The following ST6GALNAC3 variants were observed in gnomAD, a reference collection of about 807,000 sequenced individuals.
The protein encoded by ST6GALNAC3 is ST6 N-acetylgalactosaminide alpha-2,6-sialyltransferase 3, also known as alpha-N-acetylgalactosaminide alpha-2,6-sialyltransferase 3.
A neutral mutation model predicts 32.7 loss-of-function variants in ST6GALNAC3; 25 were observed. That is an observed-to-expected ratio of 0.76 (90% CI 0.56 to 1.07). ST6GALNAC3 has a LOEUF of 1.07. Among genes scored for constraint, ST6GALNAC3 ranks in the 50% least tolerant of loss-of-function variants. The pLI, the probability that ST6GALNAC3 is intolerant of heterozygous loss-of-function variation, is 0.00. For missense variants in ST6GALNAC3, 355 were observed against 382.4 expected, an observed-to-expected ratio of 0.93 and a Z score of 0.60; for synonymous variants, 129 against 133.1, an observed-to-expected ratio of 0.97 and a Z score of 0.21.
chr1:76,251,380 C>A (rs1253564594), intron 1 of ST6GALNAC3, among the ~76,000 whole-genome samples: 5 of 152,094 alleles, frequency 3.3e-5, no homozygotes. Flanking sequence ...TCTTTTTTCA[C>A]ACATCTTCAG....
intron 2 of ST6GALNAC3, among the ~76,000 whole-genome samples, chr1:76,320,985 T>TTATA (rs147021451): frequency 9.7e-5 from 14 of 145,044 alleles, no homozygotes; most frequent in African/African-American, 2.0e-4. Flanking sequence ...CACACACACA[T>TTATA]TATATATATA....
chr1:76,099,768 A>G (rs1647187918), intron 1 of ST6GALNAC3, among the ~76,000 whole-genome samples: 1 of 152,160 alleles, frequency 6.6e-6, no homozygotes. Flanking sequence ...CTAAAAATGT[A>G]TATATTTTAT....
At chr1:76,608,591 C>G (rs1011606482) in intron 3 of ST6GALNAC3, among the ~76,000 whole-genome samples, 23 of 138,678 alleles carry the variant, frequency 1.7e-4, no homozygotes, top group African/African-American at 6.0e-4. Flanking sequence ...AAGCCCTGAG[C>G]TGGAAATGTG....
At chr1:76,353,237 T>C (rs1048179758) in intron 2 of ST6GALNAC3, among the ~76,000 whole-genome samples, 2 of 152,196 alleles carry the variant, frequency 1.3e-5, no homozygotes, top group South Asian at 4.1e-4. Context: ...GTTTCTGTCA[T>C]GGGCTTGCTT....
At chr1:76,376,035 A>G (rs747572877) in intron 2 of ST6GALNAC3, among the ~76,000 whole-genome samples, 1 of 152,174 alleles carries the variant, frequency 6.6e-6, no homozygotes, top group Non-Finnish European at 1.5e-5. Context: ...GGGAATGGAG[A>G]AATTGGAAGA....
chr1:76,475,768 G>A (rs755010683), intron 3 of ST6GALNAC3, among the ~76,000 whole-genome samples: 9 of 151,950 alleles, frequency 5.9e-5, no homozygotes, highest in Non-Finnish European at 1.2e-4. Context: ...TGCCACATAG[G>A]CATACACGTG....
chr1:76,148,919 T>C (rs1443574190), intron 1 of ST6GALNAC3, among the ~76,000 whole-genome samples: 1 of 152,206 alleles, frequency 6.6e-6, no homozygotes, highest in Admixed American at 6.5e-5. Context: ...CAGGCAGACT[T>C]GTGTTTCATC....
chr1:76,253,535 G>C (rs1284263051), intron 1 of ST6GALNAC3, among the ~76,000 whole-genome samples: 1 of 152,122 alleles, frequency 6.6e-6, no homozygotes, highest in African/African-American at 2.4e-5. Context: ...TAAAGTGCCA[G>C]ACTTCTTAGG....
intron 3 of ST6GALNAC3, among the ~76,000 whole-genome samples, chr1:76,417,230 T>C (rs1272663527): frequency 6.6e-6 from 1 of 151,612 alleles, no homozygotes; most frequent in African/African-American, 2.4e-5. Flanking sequence ...TCTTTCTTTT[T>C]TTTTTTTTAA....
chr1:76,481,490 AC>A (rs918031603), intron 3 of ST6GALNAC3, among the ~76,000 whole-genome samples: 28 of 152,178 alleles, frequency 1.8e-4, no homozygotes, highest in African/African-American at 6.5e-4. Context: ...TCATTTTTAG[AC>A]TTCTATATTT....
At chr1:76,307,185 C>A (rs947477148) in intron 1 of ST6GALNAC3, among the ~76,000 whole-genome samples, 3 of 152,000 alleles carry the variant, frequency 2.0e-5, no homozygotes, top group African/African-American at 7.2e-5. Context: ...AACATGGGAG[C>A]CTTGGGCCTT....
chr1:76,559,894 T>G (rs912659722), intron 3 of ST6GALNAC3, among the ~76,000 whole-genome samples: 2 of 152,086 alleles, frequency 1.3e-5, no homozygotes, highest in African/African-American at 4.8e-5. Flanking sequence ...TTTAATAATG[T>G]CTCAGGGCAT....
chr1:76,447,903 G>A (rs1657101019), intron 3 of ST6GALNAC3, among the ~76,000 whole-genome samples: 1 of 152,168 alleles, frequency 6.6e-6, no homozygotes, highest in Non-Finnish European at 1.5e-5. Context: ...TAGTGTGAAA[G>A]GACAATGTGG....
downstream of ST6GALNAC3, among the ~76,000 whole-genome samples, chr1:76,635,846 G>A (rs1649491411): frequency 6.6e-6 from 1 of 152,096 alleles, no homozygotes; most frequent in South Asian, 2.1e-4. Flanking sequence ...AAGCCTGGAA[G>A]TGATGTATAT....
At chr1:76,396,760 GA>G (rs1355936537) in intron 2 of ST6GALNAC3, among the ~76,000 whole-genome samples, 2 of 152,188 alleles carry the variant, frequency 1.3e-5, no homozygotes, top group African/African-American at 4.8e-5. Context: ...CTGTTGGGAA[GA>G]TACTAAGAAA....
chr1:76,079,705 C>T (rs1390742216), intron 1 of ST6GALNAC3, among the ~76,000 whole-genome samples: 3 of 152,254 alleles, frequency 2.0e-5, no homozygotes, highest in Non-Finnish European at 2.9e-5. Flanking sequence ...AGGAACTTGG[C>T]GTCTTCTCAT....
intron 3 of ST6GALNAC3, among the ~76,000 whole-genome samples, chr1:76,517,367 A>G (rs9645420): frequency 0.11 from 15,937 of 151,742 alleles, 982 homozygotes; most frequent in East Asian, 0.22. Flanking sequence ...TTTTAAGTAT[A>G]ATTTTAATGT....
chr1:76,431,824 G>A (rs1655776708), intron 3 of ST6GALNAC3, among the ~76,000 whole-genome samples: 1 of 152,104 alleles, frequency 6.6e-6, no homozygotes, highest in African/African-American at 2.4e-5. Flanking sequence ...TGAACCTGCA[G>A]TGACACATCA....
At chr1:76,403,532 T>C (rs1158801261) in intron 2 of ST6GALNAC3, among the ~76,000 whole-genome samples, 1 of 152,176 alleles carries the variant, frequency 6.6e-6, no homozygotes, top group East Asian at 1.9e-4. Flanking sequence ...GAATCACATG[T>C]GGGACTTAAA....
Sources: gnomAD v4.1 joint callset for allele counts (sites outside exome capture counted in the v4.1 genomes callset) on GRCh38, gnomAD v4.1.1 for gene constraint, MANE v1.5 for transcripts, NCBI Gene and HGNC (gene_info 2026-07-23, HGNC 2026-07-21) for gene names.